The following MAP3K15 variants were observed in gnomAD, a reference collection of about 807,000 sequenced individuals.
MAP3K15 encodes MAPK/ERK kinase kinase 15.
A neutral mutation model predicts 99.5 loss-of-function variants in MAP3K15; 124 were observed. The ratio of observed to expected loss-of-function variants is 1.25; its 90% confidence interval spans 1.08 to 1.45. The LOEUF (loss-of-function observed/expected upper bound fraction) is 1.45. Among genes scored for constraint, MAP3K15 ranks in the 40% most tolerant of loss-of-function variants. The pLI is 0.00. For missense variants in MAP3K15, 1,242 were observed against 1,079.7 expected (o/e 1.15, Z -2.11); for synonymous variants, 494 against 439.6 (o/e 1.12, Z -1.55).
intron 14 of MAP3K15, among the ~76,000 whole-genome samples, chrX:19,399,826 A>G (rs1467152148): frequency 9.2e-6 from 1 of 109,278 alleles, no homozygotes; most frequent in Non-Finnish European, 1.9e-5. Flanking sequence ...CCTGCTCCAT[A>G]GAAGACTTTT....
At chrX:19,398,976 G>A (rs1602272099) in intron 14 of MAP3K15, among the ~76,000 whole-genome samples, 1 of 112,336 alleles carries the variant, frequency 8.9e-6, no homozygotes, top group African/African-American at 3.2e-5. Context: ...AAATGTGACT[G>A]TACGCTGAGC....
intron 15 of MAP3K15, among the ~76,000 whole-genome samples, chrX:19,397,760 C>T (rs1200632325): frequency 1.8e-5 from 2 of 111,931 alleles, no homozygotes; most frequent in Non-Finnish European, 3.8e-5. Flanking sequence ...TCCATTTTCT[C>T]AATCTATAAT....
intron 2 of MAP3K15, among the ~76,000 whole-genome samples, chrX:19,486,860 C>T (rs1242719469): frequency 1.8e-5 from 2 of 111,034 alleles, no homozygotes; most frequent in Non-Finnish European, 3.8e-5. Context: ...ATCTTGCCTT[C>T]CCAGAAAAGA....
chrX:19,422,116 A>G (rs969037990), intron 9 of MAP3K15, among the ~76,000 whole-genome samples: 1 of 110,121 alleles, frequency 9.1e-6, no homozygotes, highest in East Asian at 2.8e-4. Flanking sequence ...GGACATAGGC[A>G]TGGGCAAGGA....
chrX:19,416,242 G>C (rs917769269), intron 9 of MAP3K15, among the ~76,000 whole-genome samples: 2 of 110,919 alleles, frequency 1.8e-5, no homozygotes, highest in African/African-American at 6.6e-5. Flanking sequence ...GAGGCAGAAG[G>C]AATGCTTGAA....
chrX:19,505,646 C>T (rs2064471269), intron 1 of MAP3K15, among the ~76,000 whole-genome samples: 1 of 111,407 alleles, frequency 9.0e-6, no homozygotes, highest in Admixed American at 9.5e-5. Context: ...AGACATCACT[C>T]TCACCTATAT....
At chrX:19,405,855 T>C (rs1192636405) in intron 13 of MAP3K15, among the ~76,000 whole-genome samples, 1 of 112,540 alleles carries the variant, frequency 8.9e-6, no homozygotes, top group Admixed American at 9.5e-5. Flanking sequence ...GAAACGTATA[T>C]GGAAATTCTT....
intron 2 of MAP3K15, among the ~76,000 whole-genome samples, chrX:19,487,905 G>T (rs996650696): frequency 3.6e-5 from 4 of 110,779 alleles, no homozygotes; most frequent in Non-Finnish European, 5.7e-5. Flanking sequence ...CAAACCATTG[G>T]TTCTCACCCA....
chrX:19,502,095 T>C (rs1350478225), intron 1 of MAP3K15, among the ~76,000 whole-genome samples: 1 of 110,995 alleles, frequency 9.0e-6, no homozygotes, highest in Non-Finnish European at 1.9e-5. Flanking sequence ...TCACAATTGT[T>C]TTGCCTGTGA....
chrX:19,361,767 C>G, intron 26 of MAP3K15, 174 bp from the exon 27 acceptor site: 1 of 373,151 alleles, frequency 2.7e-6, no homozygotes, highest in Non-Finnish European at 4.6e-6. Context: ...TTCTGAGATT[C>G]ACTTTCTAGA....
chrX:19,373,527 C>A lies in MAP3K15; in HGVS notation c.2933+9G>T. The A allele has an allele frequency of 8.6e-7, 1 of 1,167,713 alleles. No homozygotes were observed. On this transcript the variant is annotated intron_variant, in intron 21 of 28. Coordinates refer to ENST00000338883, the MANE Select transcript of MAP3K15 (RefSeq NM_001001671.4). Reference sequence around the variant, plus strand: ...GGGCCCGCGGCAGACAGACAGAATACGGGTGTACCTGAGGAGGTGGCCAAG... The same window carrying A: ...GGGCCCGCGGCAGACAGACAGAATAAGGGTGTACCTGAGGAGGTGGCCAAG...
intron 18 of MAP3K15, among the ~76,000 whole-genome samples, chrX:19,390,593 T>A (rs918365329): frequency 7.5e-5 from 8 of 106,910 alleles, no homozygotes; most frequent in Admixed American, 7.2e-4. Context: ...TTATTTTTTG[T>A]AGAGATGGGG....
In MAP3K15 at chrX:19,503,824, G is replaced by A. The variant is rs150311265; in HGVS notation, c.361+11077C>T. On this transcript the variant is annotated intron_variant, in intron 1 of 28. Transcript: ENST00000338883. ...CCACTAAAATAAGTTGAAACAAGAC[G>A]TACATTTAGGCCAGGCATGGTGGGT... 2.5e-3 allele frequency among the ~76,000 whole-genome samples: 277 copies of A among 109,917 alleles called. 2 individuals carry two copies. The highest frequency in any genetic ancestry group is 8.3e-3 in the African/African-American group (251 of 30,327).
chrX:19,433,909 A>G (rs1258157969), intron 6 of MAP3K15, among the ~76,000 whole-genome samples: 1 of 111,433 alleles, frequency 9.0e-6, no homozygotes, highest in Admixed American at 9.6e-5. Flanking sequence ...AGAACAGCAA[A>G]ATATATTTTG....
intron 28 of MAP3K15, 197 bp from the exon 29 acceptor site, chrX:19,361,030 G>T: frequency 2.4e-6 from 1 of 421,165 alleles, no homozygotes; most frequent in Non-Finnish European, 4.1e-6. Context: ...CAAATGACTC[G>T]GGAACAAGAA....
At chrX:19,407,589 G>T (rs910998698) in intron 12 of MAP3K15, among the ~76,000 whole-genome samples, 3 of 112,153 alleles carry the variant, frequency 2.7e-5, no homozygotes, top group Non-Finnish European at 3.8e-5. Flanking sequence ...TCCTCAAGGG[G>T]CTTATAATCT....
At chrX:19,443,715 C>G (rs1602313375) in intron 6 of MAP3K15, among the ~76,000 whole-genome samples, 1 of 111,414 alleles carries the variant, frequency 9.0e-6, no homozygotes, top group Non-Finnish European at 1.9e-5. Context: ...GCCTGCTGCC[C>G]TAAGACTGAA....
intron 1 of MAP3K15, chrX:19,496,542 CA>C (rs756846533): frequency 1.8e-5 from 2 of 111,372 alleles, no homozygotes; most frequent in East Asian, 5.7e-4. Context: ...GTCTGTGTCA[CA>C]CATCACCTTC....
At chrX:19,384,570 T>C (rs1207549850) in intron 18 of MAP3K15, among the ~76,000 whole-genome samples, 2 of 106,995 alleles carry the variant, frequency 1.9e-5, no homozygotes, top group Non-Finnish European at 3.9e-5. Context: ...CGAAACCCCA[T>C]CTCTACTAAA....
Sources: allele counts gnomAD v4.1 joint callset (sites outside exome capture counted in the v4.1 genomes callset), GRCh38; gene constraint gnomAD v4.1.1; transcripts MANE v1.5; gene names NCBI Gene and HGNC (gene_info 2026-07-23, HGNC 2026-07-21).